The following SHISA6 variants were observed in gnomAD, a reference collection of about 807,000 sequenced individuals.
The protein encoded by SHISA6 is shisa family member 6, also known as protein shisa-6.
A neutral mutation model predicts 47.9 loss-of-function variants in SHISA6; 22 were observed. The ratio of observed to expected loss-of-function variants is 0.46; its 90% CI spans 0.33 to 0.66. The LOEUF (loss-of-function observed/expected upper bound fraction) is 0.66. Ranked by LOEUF, SHISA6 falls within the 30% of genes least tolerant of loss-of-function variation. The pLI is 0.02. For missense variants in SHISA6, 680 were observed against 764.6 expected (o/e 0.89, Z 1.30); for synonymous variants, 388 against 337.8 (o/e 1.15, Z -1.63).
chr17:11,520,348 T>G (rs1032391179), intron 3 of SHISA6, among the ~76,000 whole-genome samples: 1 of 152,218 alleles, frequency 6.6e-6, no homozygotes, highest in Non-Finnish European at 1.5e-5. Flanking sequence ...ACACCCCATA[T>G]ATAATGCATT....
At chr17:11,317,044 T>C (rs1910548712) in intron 2 of SHISA6, among the ~76,000 whole-genome samples, 1 of 152,146 alleles carries the variant, frequency 6.6e-6, no homozygotes. Flanking sequence ...CTTATTGATA[T>C]TTTTTTCTGG....
chr17:11,244,816 G>A (rs539794159), intron 1 of SHISA6, among the ~76,000 whole-genome samples: 1 of 152,334 alleles, frequency 6.6e-6, no homozygotes, highest in Admixed American at 6.5e-5. Flanking sequence ...ACCGGTTTCA[G>A]TGTGTGCTTC....
chr17:11,518,515 G>C (rs1034787071), intron 3 of SHISA6, among the ~76,000 whole-genome samples: 2 of 152,100 alleles, frequency 1.3e-5, no homozygotes, highest in South Asian at 4.1e-4. Flanking sequence ...CCTGTGATCT[G>C]TACTGGCTTA....
rs1210616019 is a variant in SHISA6 at position 11,388,827 on chromosome 17, TA to T, written c.895+9319del. ...ATATATATATATATATATATATATA[TA>T]TATATATATATATTTTAAAAAAGGT... On this transcript the variant is annotated intron_variant, in intron 3 of 5. Coordinates refer to ENST00000441885, the MANE Select transcript of SHISA6 (RefSeq NM_207386.4). Among the ~76,000 whole-genome samples the T allele has an allele frequency of 5.8e-4, 58 of 100,120 alleles. 1 individual carries two copies. Among genetic ancestry groups the T allele is most frequent in the African/African-American group, 7.9e-4 (18 of 22,652 alleles). 65.7% of individuals were successfully genotyped at this position (100,120 alleles called of 152,430 possible).
chr17:11,292,467 A>C (rs1013639766), intron 2 of SHISA6, among the ~76,000 whole-genome samples: 2 of 152,160 alleles, frequency 1.3e-5, no homozygotes, highest in Admixed American at 6.5e-5. Context: ...AATAATAATT[A>C]ATTTTAAAAA....
In SHISA6 at chr17:11,245,748, G is replaced by T. The variant is rs1033511589; in HGVS notation, c.638+3688G>T. On this transcript the variant is annotated intron_variant, in intron 1 of 5. Coordinates refer to ENST00000441885, the MANE Select transcript of SHISA6 (RefSeq NM_207386.4). ...GAGGGGATCAAAGAATGTGGGCAGG[G>T]TGGGGGGGGTGGATATCTAGGTGGG... 2.4e-5 allele frequency among the ~76,000 whole-genome samples: 3 copies of T among 124,102 alleles called. No homozygotes were observed. In the East Asian group the frequency reaches 6.7e-4, roughly 28 times the overall value. The allele number at this position is 124,102 out of a possible 152,430, so 81.4% of individuals were successfully genotyped here. A position where few individuals can be genotyped will look rare whatever the true frequency, so the allele number is the denominator to read the frequency against.
chr17:11,298,387 T>A (rs1001271513), intron 2 of SHISA6, among the ~76,000 whole-genome samples: 7 of 152,212 alleles, frequency 4.6e-5, no homozygotes, highest in African/African-American at 1.4e-4. Flanking sequence ...ATAAGCTCAC[T>A]CATACAGTTC....
At chr17:11,546,390 C>A (rs959484339) in intron 3 of SHISA6, among the ~76,000 whole-genome samples, 1 of 152,080 alleles carries the variant, frequency 6.6e-6, no homozygotes, top group Non-Finnish European at 1.5e-5. Flanking sequence ...GAAGAAAGGA[C>A]CATTCTATGA....
intron 1 of SHISA6, among the ~76,000 whole-genome samples, chr17:11,260,702 C>T (rs1487429044): frequency 2.0e-5 from 3 of 151,958 alleles, no homozygotes; most frequent in Non-Finnish European, 4.4e-5. Context: ...TGAACCTTCC[C>T]TGCTCTCTCT....
chr17:11,552,093 C>T, intron 4 of SHISA6, 141 bp downstream of exon 4: 1 of 823,002 alleles, frequency 1.2e-6, no homozygotes, highest in Non-Finnish European at 1.9e-6. Flanking sequence ...CAGGCTCGCC[C>T]TCCTCCAGGG....
chr17:11,383,862 T>A (rs1004584008), intron 3 of SHISA6, among the ~76,000 whole-genome samples: 3 of 152,128 alleles, frequency 2.0e-5, no homozygotes, highest in African/African-American at 2.4e-5. Context: ...AATATTTTCT[T>A]CGTTAATTAG....
chr17:11,558,071 ATC>A lies in SHISA6; in HGVS notation c.1426_1427del (p.Ser476AlafsTer28). 6.4e-7 allele frequency: 1 copy of A among 1,551,638 alleles called. No individual in the cohort carries two copies. The highest frequency in any genetic ancestry group is 8.7e-7 in the Non-Finnish European group (1 of 1,146,986). ...TCCCGAGCAGTCGCTGTCCAGGGCCATCTCGCACACGGACGTCTTTGTGTCCA... is the reference window on the plus strand; with the variant it reads ...TCCCGAGCAGTCGCTGTCCAGGGCCATCGCACACGGACGTCTTTGTGTCCA... The part of the protein sequence containing the change: ...AFPEQSLSRA[I>X]SHTDVFVSTP... On this transcript the variant is annotated frameshift_variant, in exon 6 of 6. Coordinates refer to ENST00000441885, the MANE Select transcript of SHISA6 (RefSeq NM_207386.4). LOFTEE classifies it high-confidence loss of function.
chr17:11,344,429 A>G (rs1417358342), intron 2 of SHISA6, among the ~76,000 whole-genome samples: 5 of 152,182 alleles, frequency 3.3e-5, no homozygotes, highest in African/African-American at 2.4e-5. Context: ...ATTTACTCCT[A>G]TATCTTATTC....
intron 1 of SHISA6, among the ~76,000 whole-genome samples, chr17:11,260,730 C>A (rs1300971726): frequency 6.6e-6 from 1 of 151,730 alleles, no homozygotes; most frequent in African/African-American, 2.4e-5. Flanking sequence ...GGTTTCAGAC[C>A]CCCTCTCACT....
In SHISA6 at chr17:11,557,389, A is replaced by G. The variant is rs544945645; in HGVS notation, c.1106-365A>G. Among the ~76,000 whole-genome samples the G allele has an allele frequency of 2.0e-5, 3 of 152,164 alleles. No individual in the cohort carries two copies. In the East Asian group the frequency reaches 5.8e-4, roughly 30 times the overall value. ...GTTCAGGGACTTGGGCTTGCTATCA[A>G]CTCTGCCCTGAACACACTGGGGATT... On this transcript the variant is annotated intron_variant, in intron 5 of 5. Coordinates refer to ENST00000441885, the MANE Select transcript of SHISA6 (RefSeq NM_207386.4).
chr17:11,438,068 C>T (rs1914989736), intron 3 of SHISA6, among the ~76,000 whole-genome samples: 1 of 152,160 alleles, frequency 6.6e-6, no homozygotes, highest in Non-Finnish European at 1.5e-5. Flanking sequence ...AAGATTGTCT[C>T]ATACTACCCT....
chr17:11,283,964 CTTTT>C (rs914611210), intron 2 of SHISA6, among the ~76,000 whole-genome samples: 1 of 152,112 alleles, frequency 6.6e-6, no homozygotes, highest in African/African-American at 2.4e-5. Context: ...TCCCCAGTTC[CTTTT>C]TAGTTCTCCT....
intron 3 of SHISA6, among the ~76,000 whole-genome samples, chr17:11,440,772 C>T (rs995362024): frequency 7.2e-5 from 11 of 151,992 alleles, no homozygotes; most frequent in African/African-American, 2.7e-4. Flanking sequence ...CCGCTGCTAT[C>T]ACTGGCCTGC....
At chr17:11,245,964 G>A (rs915033871) in intron 1 of SHISA6, among the ~76,000 whole-genome samples, 8 of 152,198 alleles carry the variant, frequency 5.3e-5, no homozygotes, top group African/African-American at 1.9e-4. Context: ...TAACTGCAGT[G>A]GCAGGGCCCC....
Sources: gnomAD v4.1 joint callset for allele counts (sites outside exome capture counted in the v4.1 genomes callset) on GRCh38, gnomAD v4.1.1 for gene constraint, MANE v1.5 for transcripts, NCBI Gene and HGNC (gene_info 2026-07-23, HGNC 2026-07-21) for gene names.